Variants in PRKCA observed in about 807,000 individuals in gnomAD.
PRKCA encodes protein kinase C alpha.
A neutral mutation model predicts 87.0 loss-of-function variants in PRKCA; 27 were observed. The ratio of observed to expected loss-of-function variants is 0.31; its 90% CI spans 0.23 to 0.43. The LOEUF is 0.43. PRKCA is among the 20% of genes least tolerant of loss of function. PRKCA has a pLI of 1.00. For missense variants in PRKCA, 518 were observed against 852.3 expected, an observed-to-expected ratio of 0.61 and a Z score of 4.88; for synonymous variants, 329 against 311.1, an observed-to-expected ratio of 1.06 and a Z score of -0.61.
chr17:66,309,094 T>C (rs1026973350), intron 2 of PRKCA, among the ~76,000 whole-genome samples: 1 of 152,194 alleles, frequency 6.6e-6, no homozygotes, highest in Admixed American at 6.5e-5. Context: ...CTTTGGTTAG[T>C]AGGTAAAATA....
chr17:66,380,883 CAT>C lies in PRKCA; in HGVS notation c.205+74760_205+74761del, dbSNP rs1396180379. ...AACCAAATGGGCAAAAATACAGTCTCATATAAGATTTACATTTGTTCCTTATA... is the reference window on the plus strand; with the variant it reads ...AACCAAATGGGCAAAAATACAGTCTCATAAGATTTACATTTGTTCCTTATA... On this transcript the variant is annotated intron_variant, in intron 2 of 16. Transcript: ENST00000413366. Among the ~76,000 whole-genome samples the C allele has an allele frequency of 5.3e-5, 8 of 151,844 alleles. 1 individual carries two copies. Among genetic ancestry groups the C allele is most frequent in the Admixed American group, 3.9e-4 (6 of 15,252 alleles).
At chr17:66,580,710 T>TA (rs1969399138) in intron 3 of PRKCA, among the ~76,000 whole-genome samples, 2 of 152,098 alleles carry the variant, frequency 1.3e-5, no homozygotes, top group Admixed American at 6.5e-5. Flanking sequence ...TAAACACACT[T>TA]ATGATCAAAA....
chr17:66,326,071 C>T (rs1255277778), intron 2 of PRKCA, among the ~76,000 whole-genome samples: 1 of 152,102 alleles, frequency 6.6e-6, no homozygotes, highest in South Asian at 2.1e-4. Context: ...GTGTATGGCC[C>T]ACTGTTAGGC....
At chr17:66,756,226 G>A (rs1318721665) in intron 13 of PRKCA, among the ~76,000 whole-genome samples, 1 of 152,116 alleles carries the variant, frequency 6.6e-6, no homozygotes, top group Non-Finnish European at 1.5e-5. Context: ...CTTAACAAGG[G>A]CTTCCCTCAG....
chr17:66,777,835 A>T (rs1975095114), intron 14 of PRKCA: 2 of 985,260 alleles, frequency 2.0e-6, no homozygotes, highest in South Asian at 9.4e-5. Flanking sequence ...CCAGCAGGAG[A>T]CAAGAATTTC....
At chr17:66,443,219 A>T (rs1364284758) in intron 2 of PRKCA, among the ~76,000 whole-genome samples, 3 of 152,184 alleles carry the variant, frequency 2.0e-5, no homozygotes, top group Non-Finnish European at 4.4e-5. Context: ...CTCTTTCTGA[A>T]TTGTTTCTAT....
At chr17:66,459,206 CAAAA>C (rs35784459) in intron 2 of PRKCA, among the ~76,000 whole-genome samples, 3 of 129,630 alleles carry the variant, frequency 2.3e-5, no homozygotes, top group African/African-American at 2.9e-5. Context: ...ATCCCTGTCT[CAAAA>C]AAAAAAAAAA....
At chr17:66,626,313 A>G (rs1970854278) in intron 3 of PRKCA, among the ~76,000 whole-genome samples, 1 of 148,684 alleles carries the variant, frequency 6.7e-6, no homozygotes, top group Non-Finnish European at 1.5e-5. Context: ...TCAGCCTCCC[A>G]AGTAGCTGGG....
chr17:66,307,008 A>G (rs1268232054), intron 2 of PRKCA, among the ~76,000 whole-genome samples: 1 of 152,168 alleles, frequency 6.6e-6, no homozygotes, highest in African/African-American at 2.4e-5. Flanking sequence ...ACTGTTTAAT[A>G]TTAAGTGCAT....
At chr17:66,332,643 T>C (rs1030728620) in intron 2 of PRKCA, among the ~76,000 whole-genome samples, 2 of 152,148 alleles carry the variant, frequency 1.3e-5, no homozygotes, top group Non-Finnish European at 2.9e-5. Flanking sequence ...ATTAGGTCCA[T>C]TCTACCATTT....
rs969137138 is a variant in PRKCA at position 66,453,462 on chromosome 17, C to T, written c.206-42739C>T. 7.2e-5 allele frequency among the ~76,000 whole-genome samples: 11 copies of T among 152,124 alleles called. No individual in the cohort carries two copies. In the East Asian group the frequency reaches 9.7e-4, roughly 13 times the overall value. On this transcript the variant is annotated intron_variant, in intron 2 of 16. Transcript: ENST00000413366. ...CCTCCTAAGTAGCTGAGATTACAGG[C>T]GCCCGCCACCATGCCCAGCTAATTT...
At chr17:66,384,333 A>G (rs1365484400) in intron 2 of PRKCA, among the ~76,000 whole-genome samples, 1 of 152,172 alleles carries the variant, frequency 6.6e-6, no homozygotes, top group Non-Finnish European at 1.5e-5. Flanking sequence ...TTCAGTGGCA[A>G]ACCTGTTTTA....
At chr17:66,463,653 C>T (rs924897943) in intron 2 of PRKCA, among the ~76,000 whole-genome samples, 1 of 152,140 alleles carries the variant, frequency 6.6e-6, no homozygotes, top group African/African-American at 2.4e-5. Context: ...CCTTGGCCTC[C>T]CAAAGTGCTG....
At chr17:66,531,224 C>G (rs1967524336) in intron 3 of PRKCA, among the ~76,000 whole-genome samples, 1 of 152,222 alleles carries the variant, frequency 6.6e-6, no homozygotes, top group Admixed American at 6.5e-5. Flanking sequence ...CAGCCAGAGA[C>G]AGCTGGAGGG....
In PRKCA at chr17:66,636,337, G is replaced by T. The variant is rs564344426; in HGVS notation, c.289-5018G>T. ...CATGCTCCTGCATCCCATTGCTGCA[G>T]TGCAAGAAATGGCATCATCCATATA... On this transcript the variant is annotated intron_variant, in intron 3 of 16. Coordinates refer to ENST00000413366, the MANE Select transcript of PRKCA (RefSeq NM_002737.3). Among the ~76,000 whole-genome samples, 3 of 152,342 alleles carry T rather than the reference G, an allele frequency of 2.0e-5. No individual in the cohort carries two copies. The South Asian group carries it at 6.2e-4, about 32-fold the overall frequency.
intron 13 of PRKCA, among the ~76,000 whole-genome samples, chr17:66,762,863 T>C (rs916184191): frequency 3.3e-5 from 5 of 152,218 alleles, no homozygotes; most frequent in African/African-American, 7.2e-5. Flanking sequence ...GCATCATGGC[T>C]CCCTGCAACC....
At chr17:66,528,009 C>CCAA (rs1967403965) in intron 3 of PRKCA, among the ~76,000 whole-genome samples, 1 of 151,994 alleles carries the variant, frequency 6.6e-6, no homozygotes, top group Non-Finnish European at 1.5e-5. Context: ...ACTAGCCTGG[C>CCAA]CAACATGGTG....
intron 6 of PRKCA, 26 bp downstream of exon 6, chr17:66,687,293 T>G: frequency 6.2e-7 from 1 of 1,606,494 alleles, no homozygotes; most frequent in Non-Finnish European, 8.5e-7. Context: ...TTGATCAAAT[T>G]TCATTCCTAT....
chr17:66,559,443 C>G (rs1312035265), intron 3 of PRKCA, among the ~76,000 whole-genome samples: 1 of 142,104 alleles, frequency 7.0e-6, no homozygotes, highest in East Asian at 2.0e-4. Context: ...CCACTGCACT[C>G]CAGCCTGGGC....
Sources: gnomAD v4.1 joint callset for allele counts (sites outside exome capture counted in the v4.1 genomes callset) on GRCh38, gnomAD v4.1.1 for gene constraint, MANE v1.5 for transcripts, NCBI Gene and HGNC (gene_info 2026-07-23, HGNC 2026-07-21) for gene names.